Variants in SNTG2 observed in about 807,000 individuals in gnomAD.
The protein encoded by SNTG2 is gamma-2-syntrophin.
Under a neutral mutation model 70.9 loss-of-function variants are expected in SNTG2, and 74 were observed. The ratio of observed to expected loss-of-function variants is 1.04; its 90% CI spans 0.86 to 1.27. The LOEUF (loss-of-function observed/expected upper bound fraction) is 1.27, where lower values mean the gene tolerates loss of function less well. Ranked by LOEUF, SNTG2 falls within the 50% of genes most tolerant of loss-of-function variation. The pLI is 0.00. For synonymous variants in SNTG2, 278 were observed against 273.8 expected (o/e 1.02, Z -0.15); for missense variants, 717 against 690.7 (o/e 1.04, Z -0.43).
intron 4 of SNTG2, among the ~76,000 whole-genome samples, chr2:1,110,321 T>C (rs1285534248): frequency 3.3e-5 from 5 of 152,206 alleles, no homozygotes; most frequent in African/African-American, 1.2e-4. Context: ...TCCACCTGTA[T>C]TTTATTGTTC....
chr2:1,189,698 C>T (rs1391207074), intron 8 of SNTG2, among the ~76,000 whole-genome samples: 5 of 151,980 alleles, frequency 3.3e-5, no homozygotes, highest in Admixed American at 3.3e-4. Flanking sequence ...AGGTGCACGC[C>T]AGCACGCCCA....
intron 16 of SNTG2, among the ~76,000 whole-genome samples, chr2:1,333,482 C>T (rs9677225): frequency 0.011 from 1,603 of 152,084 alleles, 26 homozygotes; most frequent in African/African-American, 0.037. Flanking sequence ...CCTACATAGC[C>T]AAAGCAAAAC....
At chr2:1,113,692 C>T (rs973653410) in intron 4 of SNTG2, among the ~76,000 whole-genome samples, 1 of 149,184 alleles carries the variant, frequency 6.7e-6, no homozygotes, top group Non-Finnish European at 1.5e-5. Context: ...CCCTTACAGT[C>T]CTTTGAGGAG....
chr2:1,032,082 A>G (rs1170668680), intron 1 of SNTG2, among the ~76,000 whole-genome samples: 1 of 152,236 alleles, frequency 6.6e-6, no homozygotes, highest in Non-Finnish European at 1.5e-5. Context: ...TACTGACAGC[A>G]TTGCTTGTGA....
intron 1 of SNTG2, among the ~76,000 whole-genome samples, chr2:1,078,668 A>T (rs1664082716): frequency 6.6e-6 from 1 of 152,176 alleles, no homozygotes; most frequent in Non-Finnish European, 1.5e-5. Context: ...ATGTTACCTG[A>T]ACCGTATTTT....
chr2:1,250,298 AC>A (rs1677675813), intron 12 of SNTG2, among the ~76,000 whole-genome samples: 2 of 152,046 alleles, frequency 1.3e-5, no homozygotes, highest in Admixed American at 1.3e-4. Flanking sequence ...TAGCAGACAA[AC>A]CCTGTATGTT....
chr2:1,213,889 G>T (rs1056338172), intron 9 of SNTG2, among the ~76,000 whole-genome samples: 1 of 151,410 alleles, frequency 6.6e-6, no homozygotes, highest in African/African-American at 2.5e-5. Flanking sequence ...ATAGTTTCAG[G>T]TCTTACATTT....
chr2:1,086,813 A>G (rs1452158352), intron 2 of SNTG2, among the ~76,000 whole-genome samples: 1 of 152,162 alleles, frequency 6.6e-6, no homozygotes, highest in Non-Finnish European at 1.5e-5. Flanking sequence ...ACAAGGGGCT[A>G]TAAAAAGTCA....
In SNTG2 at chr2:1,208,926, A is replaced by C. The variant is rs4971414; in HGVS notation, c.592-177A>C. On this transcript the variant is annotated intron_variant, in intron 8 of 16. Transcript: ENST00000308624. ...AAAACAGCGGGAGAAAATGTCTTAA[A>C]TCCGGGTAGAAGAGCACTTCTTTCT... Among the ~76,000 whole-genome samples, 6 of 151,782 alleles carry C rather than the reference A, an allele frequency of 4.0e-5. 1 individual carries two copies. Among genetic ancestry groups the C allele is most frequent in the Admixed American group, 3.3e-4 (5 of 15,250 alleles).
intron 2 of SNTG2, among the ~76,000 whole-genome samples, chr2:1,086,707 A>T (rs953350172): frequency 1.4e-4 from 21 of 152,342 alleles, no homozygotes; most frequent in African/African-American, 5.1e-4. Flanking sequence ...GGACTCACTG[A>T]CAATTCAGGT....
chr2:1,076,096 C>G (rs1218998887), intron 1 of SNTG2, among the ~76,000 whole-genome samples: 1 of 152,162 alleles, frequency 6.6e-6, no homozygotes, highest in African/African-American at 2.4e-5. Flanking sequence ...AGTCATTGGT[C>G]ACGCAAAAAT....
At chr2:1,146,477 A>G (rs961870598) in intron 6 of SNTG2, among the ~76,000 whole-genome samples, 1 of 152,204 alleles carries the variant, frequency 6.6e-6, no homozygotes, top group Non-Finnish European at 1.5e-5. Context: ...GTTCTCTCCA[A>G]CTTGATCTGT....
intron 14 of SNTG2, among the ~76,000 whole-genome samples, chr2:1,306,685 AGTGTGTGT>A (rs34835668): frequency 6.7e-6 from 1 of 149,006 alleles, no homozygotes; most frequent in Admixed American, 6.6e-5. Context: ...CCAGGGTGTG[AGTGTGTGT>A]GTGTGTGTGT....
intron 6 of SNTG2, among the ~76,000 whole-genome samples, chr2:1,155,358 C>CCACACAT (rs1558465693): frequency 6.6e-6 from 1 of 151,578 alleles, no homozygotes; most frequent in Non-Finnish European, 1.5e-5. Flanking sequence ...ACACCACACA[C>CCACACAT]ACATGTCCCT....
At chr2:1,094,194 A>G (rs111504048) in intron 2 of SNTG2, among the ~76,000 whole-genome samples, 71 of 79,682 alleles carry the variant, frequency 8.9e-4, no homozygotes, top group Non-Finnish European at 1.1e-3. Context: ...GCCTGCAGGC[A>G]AAGGCCTTAT....
At chr2:1,074,141 G>A (rs540530617) in intron 1 of SNTG2, among the ~76,000 whole-genome samples, 2 of 152,336 alleles carry the variant, frequency 1.3e-5, no homozygotes, top group East Asian at 3.9e-4. Context: ...GACACGGGGA[G>A]GACTCTGGTC....
At chr2:1,279,166 G>T (rs902664323) in intron 14 of SNTG2, among the ~76,000 whole-genome samples, 1 of 151,750 alleles carries the variant, frequency 6.6e-6, no homozygotes. Context: ...CATCCAGGCT[G>T]CACACCACCC....
chr2:1,254,913 A>G (rs569417879), intron 12 of SNTG2, among the ~76,000 whole-genome samples: 11 of 152,222 alleles, frequency 7.2e-5, no homozygotes, highest in Non-Finnish European at 1.3e-4. Context: ...AGGAAGAAGC[A>G]TGATGGTAGA....
At chr2:1,302,066 A>T (rs1390102225) in intron 14 of SNTG2, among the ~76,000 whole-genome samples, 19 of 151,114 alleles carry the variant, frequency 1.3e-4, no homozygotes, top group Admixed American at 1.3e-3. Flanking sequence ...GGTTGAAGAG[A>T]TTCTCCTGCC....
Sources: gnomAD v4.1 joint callset for allele counts (sites outside exome capture counted in the v4.1 genomes callset) on GRCh38, gnomAD v4.1.1 for gene constraint, MANE v1.5 for transcripts, NCBI Gene and HGNC (gene_info 2026-07-23, HGNC 2026-07-21) for gene names.